Variants in BNC2 observed in about 807,000 individuals in gnomAD.
BNC2 encodes basonuclin zinc finger protein 2.
Under a neutral mutation model 76.3 loss-of-function variants are expected in BNC2, and 20 were observed. The ratio of observed to expected loss-of-function variants is 0.26; its 90% CI spans 0.18 to 0.38. The LOEUF is 0.38. BNC2 is among the 10% of genes least tolerant of loss of function. The pLI is 1.00. For synonymous variants in BNC2, 582 were observed against 514.8 expected (o/e 1.13, Z -1.77); for missense variants, 1,382 against 1,399.8 (o/e 0.99, Z 0.20).
intron 5 of BNC2, among the ~76,000 whole-genome samples, chr9:16,446,505 G>T (rs1821234452): frequency 6.6e-6 from 1 of 151,896 alleles, no homozygotes; most frequent in Admixed American, 6.6e-5. Context: ...CAATGGAAAG[G>T]ATATATTTTT....
chr9:16,485,983 C>T (rs1381272976), intron 5 of BNC2, among the ~76,000 whole-genome samples: 1 of 152,120 alleles, frequency 6.6e-6, no homozygotes, highest in Non-Finnish European at 1.5e-5. Context: ...CTTTGCTTTC[C>T]CACCATCCTG....
At chr9:16,857,641 A>T (rs1819295781) in intron 1 of BNC2, among the ~76,000 whole-genome samples, 1 of 152,182 alleles carries the variant, frequency 6.6e-6, no homozygotes. Flanking sequence ...TATGATGAAA[A>T]AATGCACACT....
intron 3 of BNC2, chr9:16,665,139 C>T (rs762789312): frequency 1.8e-5 from 8 of 450,910 alleles, no homozygotes; most frequent in Non-Finnish European, 3.1e-5. Context: ...AAGTCCAAGA[C>T]GGGTGGATCA....
intron 5 of BNC2, among the ~76,000 whole-genome samples, chr9:16,519,889 C>T (rs998440691): frequency 3.9e-5 from 6 of 152,066 alleles, no homozygotes; most frequent in Non-Finnish European, 8.8e-5. Flanking sequence ...GAGTTATGTT[C>T]CAGTGGAGGA....
At chr9:16,708,215 G>C (rs575132390) in intron 3 of BNC2, among the ~76,000 whole-genome samples, 2 of 152,244 alleles carry the variant, frequency 1.3e-5, no homozygotes, top group East Asian at 3.9e-4. Flanking sequence ...GTGATAACCA[G>C]CCGTGATTTC....
chr9:16,512,484 G>GCA (rs113858472), intron 5 of BNC2, among the ~76,000 whole-genome samples: 9,234 of 149,206 alleles, frequency 0.062, 807 homozygotes, highest in African/African-American at 0.2. Context: ...TAACACACGC[G>GCA]CACACACACA....
intron 3 of BNC2, among the ~76,000 whole-genome samples, chr9:16,609,551 G>A (rs143729597): frequency 2.6e-5 from 4 of 152,238 alleles, no homozygotes; most frequent in Non-Finnish European, 4.4e-5. Flanking sequence ...GGAGAAGACC[G>A]AACTTCATCC....
At chr9:16,439,797 G>C (rs185226574) in intron 5 of BNC2, among the ~76,000 whole-genome samples, 6 of 152,326 alleles carry the variant, frequency 3.9e-5, no homozygotes, top group Admixed American at 3.3e-4. Context: ...TTTACATAAA[G>C]AATATGTGTG....
At chr9:16,539,768 A>AAAGGAAAGGAAAGGAAAGGAAAG (rs1563831014) in intron 5 of BNC2, among the ~76,000 whole-genome samples, 19 of 58,966 alleles carry the variant, frequency 3.2e-4, no homozygotes, top group African/African-American at 1.2e-3. Context: ...GGAAAGGAAA[A>AAAGGAAAGGAAAGGAAAGGAAAG]GAAAGGAAAG....
At chr9:16,802,482 G>C (rs1033413505) in intron 1 of BNC2, among the ~76,000 whole-genome samples, 48 of 152,222 alleles carry the variant, frequency 3.2e-4, no homozygotes, top group Non-Finnish European at 1.8e-4. Flanking sequence ...ATGATTTCTT[G>C]ATTGTTTGTG....
At chr9:16,442,041 G>C (rs1821139353) in intron 5 of BNC2, among the ~76,000 whole-genome samples, 1 of 152,150 alleles carries the variant, frequency 6.6e-6, no homozygotes, top group African/African-American at 2.4e-5. Context: ...CTGCAATTTT[G>C]TAGCTGGTAA....
intron 3 of BNC2, among the ~76,000 whole-genome samples, chr9:16,720,767 G>GT (rs1824132786): frequency 6.6e-6 from 1 of 152,146 alleles, no homozygotes; most frequent in African/African-American, 2.4e-5. Context: ...GTAATGTGTT[G>GT]TTTTTCCACA....
At chr9:16,572,380 G>T (rs1819350267) in intron 4 of BNC2, among the ~76,000 whole-genome samples, 1 of 152,178 alleles carries the variant, frequency 6.6e-6, no homozygotes, top group African/African-American at 2.4e-5. Flanking sequence ...GTGTTTGTGG[G>T]CTGTGCTTAT....
chr9:16,659,306 C>G (rs571202144), intron 3 of BNC2, among the ~76,000 whole-genome samples: 1 of 152,194 alleles, frequency 6.6e-6, no homozygotes, highest in South Asian at 2.1e-4. Context: ...GGCAACCACG[C>G]TGCTTCTCAA....
intron 1 of BNC2, among the ~76,000 whole-genome samples, chr9:16,755,552 C>T (rs544678128): frequency 1.3e-5 from 2 of 152,210 alleles, no homozygotes; most frequent in South Asian, 2.1e-4. Flanking sequence ...CCTTTCTTCC[C>T]CATCCCACCG....
At chr9:16,752,371 G>T (rs1825244296) in intron 1 of BNC2, among the ~76,000 whole-genome samples, 2 of 152,254 alleles carry the variant, frequency 1.3e-5, no homozygotes, top group African/African-American at 2.4e-5. Context: ...TAGCTTCAGG[G>T]CACATTCAGA....
intron 3 of BNC2, among the ~76,000 whole-genome samples, chr9:16,646,713 TA>T (rs1821637727): frequency 6.6e-6 from 1 of 152,132 alleles, no homozygotes; most frequent in African/African-American, 2.4e-5. Flanking sequence ...ACTGTACACT[TA>T]AAATGGGTCT....
chr9:16,433,462 C>T (rs1820944254), intron 6 of BNC2, among the ~76,000 whole-genome samples: 1 of 152,136 alleles, frequency 6.6e-6, no homozygotes, highest in Admixed American at 6.5e-5. Flanking sequence ...CTCTTCTTCC[C>T]ACCTAGAATA....
chr9:16,422,301 G>C (rs1820726142), intron 6 of BNC2, among the ~76,000 whole-genome samples: 1 of 152,140 alleles, frequency 6.6e-6, no homozygotes, highest in South Asian at 2.1e-4. Context: ...TCCGCTGTCA[G>C]CAGTACTGTT....
Sources: allele counts gnomAD v4.1 joint callset (sites outside exome capture counted in the v4.1 genomes callset), GRCh38; gene constraint gnomAD v4.1.1; transcripts MANE v1.5; gene names NCBI Gene and HGNC (gene_info 2026-07-23, HGNC 2026-07-21).